Variants in TGIF1 observed in about 807,000 individuals in gnomAD.
The protein encoded by TGIF1 is TGFB induced factor homeobox 1.
In TGIF1, 4 loss-of-function variants were observed where a neutral mutation model predicts 19.3. The ratio of observed to expected loss-of-function variants is 0.21; its 90% CI spans 0.10 to 0.47. TGIF1 has a LOEUF of 0.47. TGIF1 is among the 20% of genes least tolerant of loss of function. TGIF1 has a pLI of 0.98. For missense variants in TGIF1, 275 were observed against 341.4 expected, an observed-to-expected ratio of 0.81 and a Z score of 1.53; for synonymous variants, 122 against 129.3, an observed-to-expected ratio of 0.94 and a Z score of 0.38.
chr18:3,414,928 G>A (rs2082311878), intron 1 of TGIF1, among the ~76,000 whole-genome samples: 1 of 152,154 alleles, frequency 6.6e-6, no homozygotes, highest in African/African-American at 2.4e-5. Flanking sequence ...TCCAATGTCA[G>A]AAAGATCAAG....
intron 2 of TGIF1, among the ~76,000 whole-genome samples, chr18:3,440,882 T>C (rs1269485458): frequency 6.6e-6 from 1 of 152,230 alleles, no homozygotes; most frequent in Non-Finnish European, 1.5e-5. Flanking sequence ...CTTTCTACAC[T>C]TATCCTTCCA....
chr18:3,428,866 A>G (rs2082509951), intron 2 of TGIF1, among the ~76,000 whole-genome samples: 1 of 152,026 alleles, frequency 6.6e-6, no homozygotes, highest in Non-Finnish European at 1.5e-5. Flanking sequence ...ACACGGTGAA[A>G]CCCTGTCTCT....
intron 2 of TGIF1, among the ~76,000 whole-genome samples, chr18:3,440,968 A>T (rs1429280739): frequency 6.6e-6 from 1 of 152,234 alleles, no homozygotes; most frequent in African/African-American, 2.4e-5. Flanking sequence ...TTTAAATAAA[A>T]CAACTTAACA....
At chr18:3,437,227 A>C (rs534764505) in intron 2 of TGIF1, among the ~76,000 whole-genome samples, 1 of 152,282 alleles carries the variant, frequency 6.6e-6, no homozygotes, top group East Asian at 1.9e-4. Flanking sequence ...AACAATCGAT[A>C]GTTGACATGA....
chr18:3,456,021 G>A lies in TGIF1; in HGVS notation c.17-333G>A. ...ACAGCACCCTTCCTGTTTCAAATGT[G>A]GCAGGTTATTCATTTTGGGTGCAGT... On this transcript the variant is annotated intron_variant, in intron 1 of 2. Coordinates refer to ENST00000343820, the MANE Select transcript of TGIF1 (RefSeq NM_003244.4). The surrounding 1 kb of genome is among the most constrained non-coding windows in gnomAD (Gnocchi z 4.2). 1 of 385,444 alleles carries A rather than the reference G, an allele frequency of 2.6e-6. No individual in the cohort carries two copies. The highest frequency in any genetic ancestry group is 5.0e-6 in the Non-Finnish European group (1 of 201,982). 23.9% of individuals were successfully genotyped at this position (385,444 alleles called of 1,614,324 possible).
At chr18:3,426,001 T>A (rs1312439116) in intron 2 of TGIF1, among the ~76,000 whole-genome samples, 1 of 151,700 alleles carries the variant, frequency 6.6e-6, no homozygotes, top group African/African-American at 2.4e-5. Context: ...CACAGCAGCA[T>A]CCTACGTTGT....
At chr18:3,433,979 C>T (rs2082584008) in intron 2 of TGIF1, among the ~76,000 whole-genome samples, 3 of 152,156 alleles carry the variant, frequency 2.0e-5, no homozygotes, top group African/African-American at 7.2e-5. Flanking sequence ...GCATGTCTTC[C>T]CCAGAACTGA....
chr18:3,445,616 C>T (rs1165909171), upstream of TGIF1, among the ~76,000 whole-genome samples: 3 of 143,358 alleles, frequency 2.1e-5, no homozygotes, highest in African/African-American at 5.1e-5. Flanking sequence ...CCCAGCTACT[C>T]GGGAGGCTGA....
intron 2 of TGIF1, among the ~76,000 whole-genome samples, chr18:3,443,151 A>G (rs554442126): frequency 5.3e-5 from 8 of 152,294 alleles, no homozygotes; most frequent in African/African-American, 1.9e-4. Context: ...CCAGTACACA[A>G]TCAGAAGGGG....
At chr18:3,449,388 C>G (rs995609333), upstream of TGIF1, 2 of 985,240 alleles carry the variant, frequency 2.0e-6, no homozygotes, top group African/African-American at 3.5e-5. Context: ...CGCGCCCGGC[C>G]GTCCCCGGGC....
At chr18:3,438,065 C>A (rs2082636716) in intron 2 of TGIF1, among the ~76,000 whole-genome samples, 1 of 151,192 alleles carries the variant, frequency 6.6e-6, no homozygotes, top group Non-Finnish European at 1.5e-5. Context: ...ACCTGGGTGA[C>A]AAGAGCGAAA....
intron 2 of TGIF1, among the ~76,000 whole-genome samples, chr18:3,435,983 C>T (rs2082609912): frequency 6.6e-6 from 1 of 152,174 alleles, no homozygotes; most frequent in Admixed American, 6.5e-5. Context: ...GTCTCTCTGC[C>T]ACCTGAGTTT....
chr18:3,440,439 GT>G (rs1323842522), intron 2 of TGIF1, among the ~76,000 whole-genome samples: 1 of 152,040 alleles, frequency 6.6e-6, no homozygotes, highest in African/African-American at 2.4e-5. Flanking sequence ...ATTTGGGTTG[GT>G]AAATGGTTTG....
At chr18:3,447,649 G>A, upstream of TGIF1, 2 of 1,456,494 alleles carry the variant, frequency 1.4e-6, no homozygotes, top group Non-Finnish European at 1.9e-6. Flanking sequence ...GCATCTACGG[G>A]AGCGGTTGGG....
At chr18:3,436,208 CA>C (rs1456179472) in intron 2 of TGIF1, among the ~76,000 whole-genome samples, 4 of 152,190 alleles carry the variant, frequency 2.6e-5, no homozygotes, top group Admixed American at 2.0e-4. Flanking sequence ...ACTATTTCAG[CA>C]ACTTTTTTTA....
At chr18:3,445,721 C>T, upstream of TGIF1, among the ~76,000 whole-genome samples, 1 of 9,418 alleles carries the variant, frequency 1.1e-4, no homozygotes, top group Non-Finnish European at 1.8e-4. Flanking sequence ...AAGACTCTGT[C>T]TCAAAAAAAA....
Position 3,458,427 on chromosome 18 carries a change from G to A in TGIF1, c.*487G>A, listed in dbSNP as rs1392734413. On this transcript the variant is annotated 3_prime_UTR_variant, in exon 3 of 3. Transcript: ENST00000343820. The stretch of plus-strand genomic sequence containing the variant: ...TCTTTAAAAATTGTTGTAATTCAGA[G>A]TATTTCTGTTGAGGGAGGTGCTTCT... 1 of 167,460 alleles carries A rather than the reference G, an allele frequency of 6.0e-6. No individual in the cohort carries two copies. The highest frequency in any genetic ancestry group is 1.8e-4 in the East Asian group (1 of 5,626). 10.4% of individuals were successfully genotyped at this position (167,460 alleles called of 1,614,324 possible).
chr18:3,413,308 T>C (rs2082293629), intron 1 of TGIF1, among the ~76,000 whole-genome samples: 1 of 152,238 alleles, frequency 6.6e-6, no homozygotes, highest in Non-Finnish European at 1.5e-5. Context: ...CCTGCCCTTG[T>C]ACAATAAAGT....
Position 3,451,875 on chromosome 18 carries a change from C to G in TGIF1, c.16+1370C>G, listed in dbSNP as rs1022883193. 1.8e-5 allele frequency: 26 copies of G among 1,435,274 alleles called. No homozygotes were observed. The African/African-American group carries it at 3.2e-4, about 18-fold the overall frequency. 88.9% of individuals were successfully genotyped at this position (1,435,274 alleles called of 1,614,324 possible). A position where few individuals can be genotyped will look rare whatever the true frequency, so the allele number is the denominator to read the frequency against. On this transcript the variant is annotated intron_variant, in intron 1 of 2. Transcript: ENST00000343820. The surrounding 1 kb of genome is among the most constrained non-coding windows in gnomAD (Gnocchi z 5.4). ...CGCGCGGGGGGCGTCCGAGACGCCC[C>G]GTGAAAGCCGTGCCGACCCTTGGGA...
Sources: allele counts gnomAD v4.1 joint callset (sites outside exome capture counted in the v4.1 genomes callset), GRCh38; gene constraint gnomAD v4.1.1; non-coding constraint Gnocchi (gnomAD v3.1); transcripts MANE v1.5; gene names NCBI Gene and HGNC (gene_info 2026-07-23, HGNC 2026-07-21).